The following ZNF804A variants were observed in gnomAD, a reference collection of about 807,000 sequenced individuals.
ZNF804A encodes zinc finger protein 804A.
A neutral mutation model predicts 16.5 loss-of-function variants in ZNF804A; 2 were observed. That is an observed-to-expected ratio of 0.12 (90% CI 0.05 to 0.38). The LOEUF (loss-of-function observed/expected upper bound fraction) is 0.38. Ranked by LOEUF, ZNF804A falls within the 10% of genes least tolerant of loss-of-function variation. The probability of loss-of-function intolerance (pLI) is 0.99; values close to 1 mark genes in which losing one functional copy is unlikely to be tolerated. For missense variants in ZNF804A, 1,473 were observed against 1,390.7 expected (o/e 1.06, Z -0.94); for synonymous variants, 534 against 489.6 (o/e 1.09, Z -1.20).
chr2:184,715,031 G>A (rs1693192129), intron 1 of ZNF804A, among the ~76,000 whole-genome samples: 1 of 152,100 alleles, frequency 6.6e-6, no homozygotes. Flanking sequence ...ATATAAGGCT[G>A]GTAGCCAGAC....
chr2:184,707,395 C>T (rs1045856253), intron 1 of ZNF804A, among the ~76,000 whole-genome samples: 1 of 151,998 alleles, frequency 6.6e-6, no homozygotes, highest in Admixed American at 6.6e-5. Flanking sequence ...ATCCTGTCAC[C>T]CAGAGAGTGA....
chr2:184,744,283 A>C (rs927299764), intron 1 of ZNF804A, among the ~76,000 whole-genome samples: 2 of 151,902 alleles, frequency 1.3e-5, no homozygotes, highest in African/African-American at 4.8e-5. Context: ...TTTGTATTAT[A>C]TACAGTATAA....
intron 2 of ZNF804A, among the ~76,000 whole-genome samples, chr2:184,928,792 T>C (rs1324472673): frequency 6.6e-6 from 1 of 152,182 alleles, no homozygotes; most frequent in Non-Finnish European, 1.5e-5. Context: ...TTCAGTTCGA[T>C]TTTGCTTTCT....
At chr2:184,716,311 A>G (rs1574177180) in intron 1 of ZNF804A, among the ~76,000 whole-genome samples, 1 of 152,210 alleles carries the variant, frequency 6.6e-6, no homozygotes, top group East Asian at 1.9e-4. Flanking sequence ...TATTGCAAAT[A>G]GTATCTTATA....
At chr2:184,780,389 A>T (rs1416516579) in intron 1 of ZNF804A, among the ~76,000 whole-genome samples, 1 of 151,886 alleles carries the variant, frequency 6.6e-6, no homozygotes, top group African/African-American at 2.4e-5. Context: ...TAAAAAAATT[A>T]TGGTAAAATA....
At chr2:184,640,046 A>G (rs954871686) in intron 1 of ZNF804A, among the ~76,000 whole-genome samples, 1 of 151,996 alleles carries the variant, frequency 6.6e-6, no homozygotes, top group African/African-American at 2.4e-5. Context: ...AAAAAAAAAT[A>G]GAGATCAAGG....
chr2:184,932,235 C>T (rs1004976218), intron 2 of ZNF804A, among the ~76,000 whole-genome samples: 2 of 152,170 alleles, frequency 1.3e-5, no homozygotes, highest in Admixed American at 1.3e-4. Flanking sequence ...GGTATCTTTA[C>T]AGCAGCACCC....
At chr2:184,820,692 T>C (rs2105790893) in intron 1 of ZNF804A, among the ~76,000 whole-genome samples, 1 of 152,220 alleles carries the variant, frequency 6.6e-6, no homozygotes, top group Admixed American at 6.6e-5. Flanking sequence ...CAGAAGCTTC[T>C]TAAGCCAATA....
intron 1 of ZNF804A, among the ~76,000 whole-genome samples, chr2:184,600,489 G>C (rs1489253721): frequency 2.0e-5 from 3 of 152,158 alleles, no homozygotes; most frequent in Non-Finnish European, 2.9e-5. Context: ...GTAGCCAAAG[G>C]CTAAAGGAGT....
At chr2:184,852,573 TACAG>T (rs1364746228) in intron 1 of ZNF804A, among the ~76,000 whole-genome samples, 1 of 151,464 alleles carries the variant, frequency 6.6e-6, no homozygotes, top group African/African-American at 2.4e-5. Flanking sequence ...TTAGCAGTTT[TACAG>T]TGTCAGGGCT....
chr2:184,704,847 C>T (rs1692996747), intron 1 of ZNF804A, among the ~76,000 whole-genome samples: 1 of 152,184 alleles, frequency 6.6e-6, no homozygotes, highest in Admixed American at 6.5e-5. Context: ...CAACTGACTG[C>T]TCAAACCTTG....
At chr2:184,781,587 T>C (rs1417006628) in intron 1 of ZNF804A, among the ~76,000 whole-genome samples, 1 of 151,776 alleles carries the variant, frequency 6.6e-6, no homozygotes, top group Non-Finnish European at 1.5e-5. Context: ...TTCCTATGGG[T>C]ACCACACTAC....
At chr2:184,824,126 TA>T (rs1695125908) in intron 1 of ZNF804A, among the ~76,000 whole-genome samples, 1 of 152,130 alleles carries the variant, frequency 6.6e-6, no homozygotes, top group South Asian at 2.1e-4. Context: ...CTGTCCTCTT[TA>T]AAACTTCTAG....
At position 184,937,836 on chromosome 2, in the gene ZNF804A, C is replaced by T. The variant is rs772974941; in HGVS notation, c.2440C>T (p.Arg814Ter). The change falls in exon 4 of 4, where the codon CGA (arginine) becomes TGA (stop). Residue 814 changes from arginine to a stop codon, truncating the protein, a stop_gained. Coordinates refer to ENST00000302277, the MANE Select transcript of ZNF804A (RefSeq NM_194250.2). LOFTEE classifies it low-confidence loss of function (END_TRUNC). ...APCKPKKKRR[R>*]KRGRFHPGFE... ...CTGCAAGCCTAAAAAGAAACGGAGG[C>T]GAAAAAGAGGCAGATTCCACCCCGG... 44 of 1,613,764 alleles carry T rather than the reference C, an allele frequency of 2.7e-5. 1 individual carries two copies. The highest frequency in any genetic ancestry group is 3.4e-5 in the Non-Finnish European group (40 of 1,179,960).
Position 184,937,170 on chromosome 2 carries a change from A to G in ZNF804A, c.1774A>G (p.Lys592Glu), listed in dbSNP as rs1218111805. 2.5e-6 allele frequency: 4 copies of G among 1,601,250 alleles called. No homozygotes were observed. In the African/African-American group the frequency reaches 4.1e-5, roughly 16 times the overall value. The stretch of plus-strand genomic sequence containing the variant: ...AGAGACCCATGAATACTGGTTCCAT[A>G]AAAGTAGAAGAAAGAAAAAAAGAAA... ...LKETHEYWFH[K>E]SRRKKKRKKL... Residue 592 changes from lysine to glutamate, a missense_variant, in exon 4 of 4, where the codon AAA (lysine) becomes GAA (glutamate). Physicochemically the swap from Lys to Glu is moderately conservative, Grantham distance 56. Coordinates refer to ENST00000302277, the MANE Select transcript of ZNF804A (RefSeq NM_194250.2).
At position 184,640,556 on chromosome 2, in the gene ZNF804A, C is replaced by T. The variant is rs1691778235; in HGVS notation, c.111+41486C>T. ...AGACAAAAAACATTACAGAAAACTA[C>T]AGACCAATATTCCTTATTAACATAG... On this transcript the variant is annotated intron_variant, in intron 1 of 3. Coordinates refer to ENST00000302277, the MANE Select transcript of ZNF804A (RefSeq NM_194250.2). 2.6e-5 allele frequency among the ~76,000 whole-genome samples: 4 copies of T among 152,156 alleles called. No individual in the cohort carries two copies. In the South Asian group the frequency reaches 8.3e-4, roughly 32 times the overall value.
chr2:184,755,230 C>T (rs996963047), intron 1 of ZNF804A, among the ~76,000 whole-genome samples: 1 of 151,806 alleles, frequency 6.6e-6, no homozygotes, highest in African/African-American at 2.4e-5. Flanking sequence ...GATTCGTGAG[C>T]GTGTTTGATG....
At chr2:184,731,433 A>G (rs570700551) in intron 1 of ZNF804A, among the ~76,000 whole-genome samples, 1 of 151,818 alleles carries the variant, frequency 6.6e-6, no homozygotes, top group Non-Finnish European at 1.5e-5. Context: ...ATTCGAATAG[A>G]TATGTAGTGA....
At position 184,787,333 on chromosome 2, in the gene ZNF804A, C is replaced by A. The variant is rs142953876; in HGVS notation, c.112-79036C>A. On this transcript the variant is annotated intron_variant, in intron 1 of 3. Transcript: ENST00000302277. The stretch of plus-strand genomic sequence containing the variant: ...AGTAATCATATAACTGCAGGTGTCT[C>A]TTTTATATAATGGATTCTTTTCCTT... Among the ~76,000 whole-genome samples the A allele has an allele frequency of 4.0e-5, 6 of 151,820 alleles. No individual in the cohort carries two copies. The East Asian group carries it at 9.7e-4, about 24-fold the overall frequency.
Sources: allele counts gnomAD v4.1 joint callset (sites outside exome capture counted in the v4.1 genomes callset), GRCh38; gene constraint gnomAD v4.1.1; transcripts MANE v1.5; gene names NCBI Gene and HGNC (gene_info 2026-07-23, HGNC 2026-07-21).